MICAL2: variants seen among roughly 807,000 people sequenced by gnomAD.
MICAL2 encodes the protein microtubule associated monooxygenase, calponin and LIM domain containing 2.
MICAL2 carries 77 observed loss-of-function variants against 127.3 expected under a neutral mutation model. The ratio of observed to expected loss-of-function variants is 0.60; its 90% CI spans 0.50 to 0.73. The LOEUF (loss-of-function observed/expected upper bound fraction) is 0.73. MICAL2 is among the 30% of genes least tolerant of loss of function. The probability of loss-of-function intolerance (pLI) is 0.00; values close to 1 mark genes in which losing one functional copy is unlikely to be tolerated. For missense variants in MICAL2, 1,351 were observed against 1,434.4 expected (o/e 0.94, Z 0.94); for synonymous variants, 570 against 551.1 (o/e 1.03, Z -0.48).
intron 6 of MICAL2, 64 bp downstream of exon 6, chr11:12,209,662 A>T (rs2077149611): frequency 7.0e-7 from 1 of 1,436,388 alleles, no homozygotes; most frequent in Non-Finnish European, 9.8e-7. Flanking sequence ...ACATTGGGGA[A>T]GAGTTGGAGA....
At chr11:12,157,300 T>C (rs1854294076) in intron 2 of MICAL2, among the ~76,000 whole-genome samples, 1 of 152,188 alleles carries the variant, frequency 6.6e-6, no homozygotes, top group South Asian at 2.1e-4. Flanking sequence ...TTTGGAGAGG[T>C]GCTCAGGGAC....
chr11:12,341,832 G>A (rs881384), intron 32 of MICAL2, among the ~76,000 whole-genome samples: 105,434 of 151,662 alleles, frequency 0.7, 36,920 homozygotes, highest in Middle Eastern at 0.75. Context: ...TTCTCAAAAA[G>A]AAAAGAAAAG....
At chr11:12,357,543 A>G (rs1939146767) in intron 34 of MICAL2, among the ~76,000 whole-genome samples, 1 of 152,168 alleles carries the variant, frequency 6.6e-6, no homozygotes, top group Admixed American at 6.5e-5. Context: ...TTAACTACAC[A>G]TGAAAAAGAT....
At chr11:12,328,234 A>G (rs1864376557) in intron 32 of MICAL2, among the ~76,000 whole-genome samples, 1 of 152,216 alleles carries the variant, frequency 6.6e-6, no homozygotes, top group Non-Finnish European at 1.5e-5. Context: ...TACCTTGAGA[A>G]GTTTATAGTC....
At chr11:12,309,173 C>T (rs1864145238) in intron 29 of MICAL2, among the ~76,000 whole-genome samples, 1 of 152,166 alleles carries the variant, frequency 6.6e-6, no homozygotes, top group Non-Finnish European at 1.5e-5. Flanking sequence ...TTCATCTCTT[C>T]TTTGTCTTAG....
In MICAL2 at chr11:12,170,989, G is replaced by A. The variant is rs184488655; in HGVS notation, c.264+8570G>A. 1.2e-3 allele frequency among the ~76,000 whole-genome samples: 180 copies of A among 152,284 alleles called. 1 individual carries two copies. The highest frequency in any genetic ancestry group is 4.2e-3 in the African/African-American group (174 of 41,534). ...TCTGGAGCTTTACTATGTGAGCCCCGGTGTTTCCAAGCTTTGATGGTGGGT... is the reference window on the plus strand; with the variant it reads ...TCTGGAGCTTTACTATGTGAGCCCCAGTGTTTCCAAGCTTTGATGGTGGGT... On this transcript the variant is annotated intron_variant, in intron 3 of 27. Transcript: ENST00000683283.
downstream of MICAL2, chr11:12,287,417 A>G: frequency 3.1e-6 from 1 of 324,146 alleles, no homozygotes; most frequent in Non-Finnish European, 5.5e-6. Context: ...GAGCCTTAGG[A>G]TTCTACAGTT....
At chr11:12,333,656 A>C in intron 32 of MICAL2, among the ~76,000 whole-genome samples, 1 of 152,210 alleles carries the variant, frequency 6.6e-6, no homozygotes, top group East Asian at 1.9e-4. Flanking sequence ...ACTATTAAAC[A>C]TAATATGGAC....
At chr11:12,264,589 GA>G (rs1178416740), downstream of MICAL2, among the ~76,000 whole-genome samples, 1 of 152,146 alleles carries the variant, frequency 6.6e-6, no homozygotes, top group Non-Finnish European at 1.5e-5. Flanking sequence ...ACAGTGGTAT[GA>G]AAAGTCACCT....
At chr11:12,291,023 A>T (rs535418213), downstream of MICAL2, among the ~76,000 whole-genome samples, 10 of 152,280 alleles carry the variant, frequency 6.6e-5, no homozygotes, top group East Asian at 1.7e-3. Flanking sequence ...TCTGAAGGCT[A>T]CACACCCTGC....
At chr11:12,287,320 T>C, downstream of MICAL2, 1 of 390,224 alleles carries the variant, frequency 2.6e-6, no homozygotes, top group Non-Finnish European at 4.5e-6. Flanking sequence ...CTTGACTTTA[T>C]TTCCACTGCT....
intron 32 of MICAL2, among the ~76,000 whole-genome samples, chr11:12,335,289 T>A (rs1938727788): frequency 6.6e-6 from 1 of 151,384 alleles, no homozygotes; most frequent in African/African-American, 2.4e-5. Context: ...CACCCACTTT[T>A]TGATGGGATT....
chr11:12,162,309 A>C lies in MICAL2; in HGVS notation c.154A>C (p.Lys52Gln). 1 of 1,614,252 alleles carries C rather than the reference A, an allele frequency of 6.2e-7. No individual in the cohort carries two copies. Residue 52 changes from lysine (K) to glutamine (Q), a missense_variant, in exon 3 of 28, where the codon AAG (lysine) becomes CAG (glutamine). Physicochemically the swap from Lys to Gln is moderately conservative, Grantham distance 53. This residue lies in a region of MICAL2 where 599 missense variants were observed against 714.9 expected (regional missense o/e 0.84). Coordinates refer to ENST00000683283, the MANE Select transcript of MICAL2 (RefSeq NM_001282663.2). ...DPLDHRNFYSKLKSKVTTWKA... is the reference protein window; with the variant it reads ...DPLDHRNFYSQLKSKVTTWKA... Reference sequence around the variant, plus strand: ...TCTGGACCACAGAAACTTTTATTCCAAGCTCAAGTCCAAGGTGACCACCTG... The same window carrying C: ...TCTGGACCACAGAAACTTTTATTCCCAGCTCAAGTCCAAGGTGACCACCTG...
At chr11:12,188,896 C>T (rs960575709) in intron 3 of MICAL2, among the ~76,000 whole-genome samples, 8 of 152,062 alleles carry the variant, frequency 5.3e-5, no homozygotes, top group Non-Finnish European at 1.2e-4. Flanking sequence ...ACTATGCGGA[C>T]TCTCTGGATC....
intron 31 of MICAL2, among the ~76,000 whole-genome samples, chr11:12,325,108 T>G (rs745525033): frequency 7.2e-5 from 11 of 152,026 alleles, no homozygotes; most frequent in Non-Finnish European, 1.3e-4. Context: ...TTGTTTTTTG[T>G]TTTTTGGTTT....
intron 2 of MICAL2, among the ~76,000 whole-genome samples, chr11:12,153,468 T>C (rs10831743): frequency 0.94 from 143,380 of 152,182 alleles, 67,801 homozygotes; most frequent in Non-Finnish European, 0.98. Flanking sequence ...GACGGAGTCT[T>C]GCTCTGTCAC....
At chr11:12,242,810 G>T (rs759287875) in intron 20 of MICAL2, 38 bp downstream of exon 20, 13 of 1,476,684 alleles carry the variant, frequency 8.8e-6, no homozygotes, top group Non-Finnish European at 1.2e-5. Flanking sequence ...GGAACCTGAT[G>T]CTGGACATCC....
downstream of MICAL2, chr11:12,358,484 G>A (rs1303750043): frequency 6.2e-7 from 1 of 1,612,752 alleles, no homozygotes; most frequent in Non-Finnish European, 8.5e-7. Context: ...ACTTGAGGAG[G>A]CCCGTAGTCC....
At chr11:12,268,393 G>A (rs1350250445), downstream of MICAL2, among the ~76,000 whole-genome samples, 1 of 152,180 alleles carries the variant, frequency 6.6e-6, no homozygotes, top group Non-Finnish European at 1.5e-5. Flanking sequence ...TCCCTTTTGG[G>A]GCATCAAGGC....
Sources: gnomAD v4.1 joint callset for allele counts (sites outside exome capture counted in the v4.1 genomes callset) on GRCh38, gnomAD v4.1.1 for gene constraint, gnomAD v4.1.1 regional missense constraint, MANE v1.5 for transcripts, NCBI Gene and HGNC (gene_info 2026-07-23, HGNC 2026-07-21) for gene names.